The following SDHB variants were observed in gnomAD, a reference collection of about 807,000 sequenced individuals.
SDHB encodes the protein succinate dehydrogenase complex iron sulfur subunit B, also known as succinate dehydrogenase [ubiquinone] iron-sulfur subunit, mitochondrial.
In SDHB, 21 loss-of-function variants were observed where a neutral mutation model predicts 39.7. That is an observed-to-expected ratio of 0.53 (90% confidence interval 0.37 to 0.76). The LOEUF is 0.76. Ranked by LOEUF, SDHB falls within the 30% of genes least tolerant of loss-of-function variation. SDHB has a pLI of 0.00. For synonymous variants in SDHB, 118 were observed against 117.0 expected, an observed-to-expected ratio of 1.01 and a Z score of -0.06; for missense variants, 343 against 350.9, an observed-to-expected ratio of 0.98 and a Z score of 0.18.
In SDHB at chr1:17,029,381, C is replaced by T. The variant is rs185408737; in HGVS notation, c.287-645G>A. 7.9e-5 allele frequency among the ~76,000 whole-genome samples: 12 copies of T among 151,836 alleles called. No homozygotes were observed. The East Asian group carries it at 1.6e-3, about 20-fold the overall frequency. ...CAAGTAATCTGCCTGCCTTGGCCTCCCGAAGCACTGGGATTACAGGTCTGG... is the reference window on the plus strand; with the variant it reads ...CAAGTAATCTGCCTGCCTTGGCCTCTCGAAGCACTGGGATTACAGGTCTGG... On this transcript the variant is annotated intron_variant, in intron 3 of 7. Transcript: ENST00000375499.
rs770622939 is a variant in SDHB at position 17,023,978 on chromosome 1, T to A, written c.637A>T (p.Met213Leu). 10 of 1,609,706 alleles carry A rather than the reference T, an allele frequency of 6.2e-6. No individual in the cohort carries two copies. Among genetic ancestry groups the A allele is most frequent in the South Asian group, 3.3e-5 (3 of 91,022 alleles). The change falls in exon 6 of 8, where the codon ATG (methionine) becomes TTG (leucine). Residue 213 changes from methionine to leucine, a missense_variant. Physicochemically the swap from Met to Leu is conservative, Grantham distance 15. Coordinates refer to ENST00000375499, the MANE Select transcript of SDHB (RefSeq NM_003000.3). ...GCAATTAAGGAGCACCTCACCTGCATAAGAACTGCAGGCCCCAGATATTTG... is the reference window on the plus strand; with the variant it reads ...GCAATTAAGGAGCACCTCACCTGCAAAAGAACTGCAGGCCCCAGATATTTG... ...GDKYLGPAVL[M>L]QAYRWMIDSR...
intron 7 of SDHB, among the ~76,000 whole-genome samples, chr1:17,020,349 C>A (rs958423478): frequency 6.6e-6 from 1 of 152,224 alleles, no homozygotes; most frequent in Non-Finnish European, 1.5e-5. Flanking sequence ...CTCCCCTCCC[C>A]ACCTGGGGCT....
rs150437793 is a variant in SDHB, at chr1:17,027,759, C to T, written c.530G>A (p.Arg177His). 28 of 1,584,548 alleles carry T rather than the reference C, an allele frequency of 1.8e-5. No individual in the cohort carries two copies. The highest frequency in any genetic ancestry group is 1.3e-4 in the Admixed American group (8 of 59,986). ...ATAGGGACTAATGACCAGTTTCTCA[C>T]GCTCTTCTATGGACTGCAGATACTG... ...KQQYLQSIEE[R>H]EKLDGLYECI... Residue 177 changes from arginine (R) to histidine (H), a missense_variant, in exon 5 of 8, where the codon CGT (arginine) becomes CAT (histidine). Physicochemically the swap from Arg to His is conservative, Grantham distance 29 (BLOSUM62 0). Coordinates refer to ENST00000375499, the MANE Select transcript of SDHB (RefSeq NM_003000.3).
intron 7 of SDHB, among the ~76,000 whole-genome samples, chr1:17,020,713 G>A (rs1004038006): frequency 1.3e-5 from 2 of 152,180 alleles, no homozygotes; most frequent in African/African-American, 2.4e-5. Context: ...CTATGTGCCA[G>A]GCACTGTTCC....
At position 17,027,813 on chromosome 1, in the gene SDHB, T is replaced by C; in HGVS notation, c.476A>G (p.Lys159Arg). 1.2e-6 allele frequency: 2 copies of C among 1,613,884 alleles called. No homozygotes were observed. Among genetic ancestry groups the C allele is most frequent in the Non-Finnish European group, 1.7e-6 (2 of 1,179,792 alleles). The change falls in exon 5 of 8, where the codon AAG becomes AGG. Residue 159 changes from lysine (K) to arginine (R), a missense_variant. By Grantham distance (26) the Lys-to-Arg change is conservative (BLOSUM62 2). Coordinates refer to ENST00000375499, the MANE Select transcript of SDHB (RefSeq NM_003000.3). ...QYKSIEPYLK[K>R]KDESQEGKQQ... ...CTTGCCTTCCTGAGATTCATCCTTC[T>C]TCTTCAAATAAGGCTCAATGGATTT...
rs1315623287 is a variant in SDHB at position 17,033,105 on chromosome 1, T to A, written c.241A>T (p.Asn81Tyr). The change falls in exon 3 of 8, where the codon AAT (asparagine) becomes TAT (tyrosine). Residue 81 changes from asparagine (N) to tyrosine (Y), a missense_variant. Coordinates refer to ENST00000375499, the MANE Select transcript of SDHB (RefSeq NM_003000.3). ...MVLDALIKIK[N>Y]EVDSTLTFRR... ...AAGGTCAAAGTAGAGTCAACTTCAT[T>A]CTTAATCTTGATTAAAGCATCCAAT... is the stretch of plus-strand genomic sequence containing the variant. 6.2e-7 allele frequency: 1 copy of A among 1,613,998 alleles called. No homozygotes were observed. The highest frequency in any genetic ancestry group is 8.5e-7 in the Non-Finnish European group (1 of 1,179,866).
In SDHB at chr1:17,053,482, T is replaced by C. The variant is rs924417094; in HGVS notation, c.72+466A>G. Among the ~76,000 whole-genome samples, 126 of 152,108 alleles carry C rather than the reference T, an allele frequency of 8.3e-4. 1 individual carries two copies. Among genetic ancestry groups the C allele is most frequent in the African/African-American group, 3.0e-3 (123 of 41,416 alleles). ...CTGTCCCCAACAATTCACATGTCCT[T>C]TCCTCACCCATCCCGGTCCTCAACC... On this transcript the variant is annotated intron_variant, in intron 1 of 7. Transcript: ENST00000375499.
At chr1:17,030,562 G>A (rs963061660) in intron 3 of SDHB, among the ~76,000 whole-genome samples, 10 of 152,084 alleles carry the variant, frequency 6.6e-5, no homozygotes, top group Non-Finnish European at 1.5e-4. Flanking sequence ...AAATTTCCTG[G>A]GTGTTTTGGA....
chr1:17,021,577 T>C (rs1477861610), intron 7 of SDHB, among the ~76,000 whole-genome samples: 1 of 152,118 alleles, frequency 6.6e-6, no homozygotes, highest in East Asian at 1.9e-4. Flanking sequence ...AAACCCTATC[T>C]CTACTAAAAA....
chr1:17,045,116 A>T, intron 1 of SDHB: 1 of 534,198 alleles, frequency 1.9e-6, no homozygotes. Flanking sequence ...TAATACACAA[A>T]AACCTTCATC....
chr1:17,023,043 T>G lies in SDHB; in HGVS notation c.643-313A>C, dbSNP rs1188766360. 3 of 376,484 alleles carry G rather than the reference T, an allele frequency of 8.0e-6. No individual in the cohort carries two copies. In the East Asian group the frequency reaches 1.9e-4, roughly 24 times the overall value. The allele number at this position is 376,484 out of a possible 1,614,324, so 23.3% of individuals were successfully genotyped here. ...GCTTCCTACCCAGCTTATAATTTGG[T>G]GAAGGCAGGGACTGTATCATATAAC... On this transcript the variant is annotated intron_variant, in intron 6 of 7. Coordinates refer to ENST00000375499, the MANE Select transcript of SDHB (RefSeq NM_003000.3).
At chr1:17,043,301 G>A (rs1213428560) in intron 2 of SDHB, among the ~76,000 whole-genome samples, 3 of 151,910 alleles carry the variant, frequency 2.0e-5, no homozygotes, top group African/African-American at 2.4e-5. Context: ...ATTGTATTTC[G>A]GTCCAAAACT....
rs998376877 is a variant in SDHB, at chr1:17,027,932, T to C, written c.424-67A>G. On this transcript the variant is annotated intron_variant, in intron 4 of 7. Transcript: ENST00000375499. ...ATCAGATTCCATCATCACCTCAGCT[T>C]TATTTACCCCATTTCTTGGACACTG... 8 of 950,758 alleles carry C rather than the reference T, an allele frequency of 8.4e-6. No homozygotes were observed. In the East Asian group the frequency reaches 1.9e-4, roughly 23 times the overall value. The allele number at this position is 950,758 out of a possible 1,614,324, so 58.9% of individuals were successfully genotyped here.
chr1:17,025,227 T>C (rs958691564), intron 5 of SDHB, among the ~76,000 whole-genome samples: 1 of 152,176 alleles, frequency 6.6e-6, no homozygotes, highest in Non-Finnish European at 1.5e-5. Context: ...TGTAAGTTAA[T>C]GCTTATGAAC....
At chr1:17,052,401 G>C (rs1202856455) in intron 1 of SDHB, 1 of 152,214 alleles carries the variant, frequency 6.6e-6, no homozygotes, top group Non-Finnish European at 1.5e-5. Context: ...ATTCCCACAA[G>C]GAAGGGGAGG....
intron 1 of SDHB, 47 bp downstream of exon 1, chr1:17,053,901 C>T: frequency 1.4e-6 from 2 of 1,431,742 alleles, no homozygotes; most frequent in Non-Finnish European, 2.0e-6. Flanking sequence ...TCCAGGCAGT[C>T]TCTGTGGCTT....
chr1:17,027,698 C>G, intron 5 of SDHB, 51 bp downstream of exon 5: 1 of 1,118,510 alleles, frequency 8.9e-7, no homozygotes, highest in East Asian at 2.3e-5. Context: ...TCCTGGCAAT[C>G]ATCTTTGCAA....
chr1:17,018,750 C>A lies in SDHB; in HGVS notation c.*131G>T. ...TTTTTTTGTTAATAAAGTAGAATAA[C>A]ATTTATTTCTTAAAATTTTTATTAT... On this transcript the variant is annotated 3_prime_UTR_variant, in exon 8 of 8. Transcript: ENST00000375499. 1.5e-6 allele frequency: 1 copy of A among 679,056 alleles called. No individual in the cohort carries two copies. Among genetic ancestry groups the A allele is most frequent in the South Asian group, 1.7e-5 (1 of 60,112 alleles). 42.1% of individuals were successfully genotyped at this position (679,056 alleles called of 1,614,324 possible). A position where few individuals can be genotyped will look rare whatever the true frequency, so the allele number is the denominator to read the frequency against.
At position 17,021,534 on chromosome 1, in the gene SDHB, C is replaced by T. The variant is rs1040803722; in HGVS notation, c.765+1074G>A. On this transcript the variant is annotated intron_variant, in intron 7 of 7. Transcript: ENST00000375499. ...CCAAGGTGGGTGGATCACCTGAGGT[C>T]GGGAGTTCGAGACCAGCCTGACCAA... is the stretch of plus-strand genomic sequence containing the variant. Among the ~76,000 whole-genome samples, 7 of 152,040 alleles carry T rather than the reference C, an allele frequency of 4.6e-5. No individual in the cohort carries two copies. In the East Asian group the frequency reaches 5.8e-4, roughly 13 times the overall value.
Sources: gnomAD v4.1 joint callset for allele counts (sites outside exome capture counted in the v4.1 genomes callset) on GRCh38, gnomAD v4.1.1 for gene constraint, MANE v1.5 for transcripts, NCBI Gene and HGNC (gene_info 2026-07-23, HGNC 2026-07-21) for gene names.